ABLIM1: variants seen among roughly 807,000 people sequenced by gnomAD.
The protein encoded by ABLIM1 is actin-binding LIM protein 1.
ABLIM1 carries 40 observed loss-of-function variants against 107.0 expected under a neutral mutation model. The ratio of observed to expected loss-of-function variants is 0.37; its 90% confidence interval spans 0.29 to 0.49. The LOEUF is 0.49. Ranked by LOEUF, ABLIM1 falls within the 20% of genes least tolerant of loss-of-function variation. ABLIM1 has a pLI of 0.97. For missense variants in ABLIM1, 857 were observed against 1,008.5 expected (o/e 0.85, Z 2.04); for synonymous variants, 357 against 357.3 (o/e 1.00, Z 0.01).
At chr10:114,635,366 A>T (rs1032665680) in intron 1 of ABLIM1, among the ~76,000 whole-genome samples, 2 of 152,258 alleles carry the variant, frequency 1.3e-5, no homozygotes, top group African/African-American at 2.4e-5. Flanking sequence ...GCTAGAAACA[A>T]GCAACCCGGC....
At chr10:114,470,847 C>CTTTTT (rs10692424) in intron 10 of ABLIM1, among the ~76,000 whole-genome samples, 14 of 151,446 alleles carry the variant, frequency 9.2e-5, no homozygotes, top group African/African-American at 2.7e-4. Context: ...TCTGGTTTTT[C>CTTTTT]TTTTTTTCTT....
chr10:114,798,803 A>AT, the ABLIM1 span, among the ~76,000 whole-genome samples: 284 of 148,584 alleles, frequency 1.9e-3, no homozygotes, highest in South Asian at 0.011. Flanking sequence ...TTTTTAATTA[A>AT]TTTTTTTTTT....
In ABLIM1 at chr10:114,480,777, C is replaced by T. The variant is rs182938152; in HGVS notation, c.1042-6821G>A. Among the ~76,000 whole-genome samples the T allele has an allele frequency of 4.6e-5, 7 of 152,248 alleles. No individual in the cohort carries two copies. The East Asian group carries it at 1.4e-3, about 29-fold the overall frequency. On this transcript the variant is annotated intron_variant, in intron 8 of 22. Coordinates refer to ENST00000533213, the MANE Select transcript of ABLIM1 (RefSeq NM_002313.7). ...CTGTCATGATGAAGGGGTCCATTTA[C>T]TCTATAGTTATCTCCCCAGCACACT...
At chr10:114,704,275 T>G (rs1046424013) in intron 1 of ABLIM1, among the ~76,000 whole-genome samples, 1 of 23,314 alleles carries the variant, frequency 4.3e-5, no homozygotes, top group Non-Finnish European at 1.1e-4. Flanking sequence ...TCTCTCGCTC[T>G]CTCTCTCTCT....
At chr10:114,667,712 C>T (rs4447090) in intron 1 of ABLIM1, among the ~76,000 whole-genome samples, 12,427 of 152,214 alleles carry the variant, frequency 0.082, 1,029 homozygotes, top group East Asian at 0.46. Context: ...CCACTGTTCC[C>T]ATTTCTATCA....
At chr10:114,464,532 G>A (rs780175971) in intron 12 of ABLIM1, among the ~76,000 whole-genome samples, 4 of 151,974 alleles carry the variant, frequency 2.6e-5, no homozygotes, top group African/African-American at 7.3e-5. Context: ...GGCTTAAATC[G>A]GGACTCACGT....
chr10:114,750,097 G>C (rs2082478315), intron 1 of ABLIM1, among the ~76,000 whole-genome samples: 1 of 152,028 alleles, frequency 6.6e-6, no homozygotes, highest in Non-Finnish European at 1.5e-5. Context: ...TCTGTTGTGT[G>C]CACTGCTACA....
At chr10:114,631,517 C>A (rs1196005622) in intron 1 of ABLIM1, among the ~76,000 whole-genome samples, 4 of 152,072 alleles carry the variant, frequency 2.6e-5, no homozygotes, top group Admixed American at 2.6e-4. Context: ...GCAGGAAGGG[C>A]CCTTTCATGA....
At chr10:114,752,417 C>T (rs546449934) in intron 1 of ABLIM1, among the ~76,000 whole-genome samples, 16 of 152,256 alleles carry the variant, frequency 1.1e-4, no homozygotes, top group Non-Finnish European at 2.1e-4. Flanking sequence ...AGAATGAATT[C>T]TCAGGTTTCA....
chr10:114,506,928 G>A (rs913209511), intron 6 of ABLIM1, among the ~76,000 whole-genome samples: 1 of 152,166 alleles, frequency 6.6e-6, no homozygotes, highest in Non-Finnish European at 1.5e-5. Flanking sequence ...GGTAGGAACC[G>A]GTGCTCTGTG....
chr10:114,793,859 G>A, the ABLIM1 span, among the ~76,000 whole-genome samples: 1 of 152,194 alleles, frequency 6.6e-6, no homozygotes, highest in Admixed American at 6.5e-5. Flanking sequence ...CAGTCTGAAA[G>A]CTCTCAAACC....
At chr10:114,525,294 G>A (rs2064505927) in intron 6 of ABLIM1, among the ~76,000 whole-genome samples, 1 of 152,242 alleles carries the variant, frequency 6.6e-6, no homozygotes, top group South Asian at 2.1e-4. Context: ...GAACTGAGTA[G>A]TTCACTTTCT....
At chr10:114,678,439 T>G (rs1374675932) in intron 1 of ABLIM1, among the ~76,000 whole-genome samples, 1 of 152,250 alleles carries the variant, frequency 6.6e-6, no homozygotes, top group Non-Finnish European at 1.5e-5. Context: ...CAAGAAGTCT[T>G]CCACAGCTGA....
intron 1 of ABLIM1, among the ~76,000 whole-genome samples, chr10:114,758,043 A>G (rs2082669117): frequency 6.6e-6 from 1 of 152,110 alleles, no homozygotes. Context: ...CACTTCCTTC[A>G]GGTCTCTGCT....
rs887309354 is a variant in ABLIM1 at position 114,690,344 on chromosome 10, G to A, written c.-213+77717C>T. ...TTGTGTTGGGTCCAGCATTTGCCAT[G>A]GACAAGATGCCAGGACCTGTATGCT... On this transcript the variant is annotated intron_variant, in intron 1 of 15. Transcript: ENST00000651092. 4.4e-6 allele frequency: 7 copies of A among 1,604,142 alleles called. No homozygotes were observed. In the East Asian group the frequency reaches 1.1e-4, roughly 26 times the overall value.
chr10:114,465,994 C>G (rs2065066844), intron 11 of ABLIM1, among the ~76,000 whole-genome samples, 167 bp from the exon 12 acceptor site: 1 of 152,070 alleles, frequency 6.6e-6, no homozygotes, highest in Non-Finnish European at 1.5e-5. Flanking sequence ...TGCAAATAAG[C>G]ATTCTGTGGC....
At chr10:114,612,178 A>G (rs4752030) in intron 1 of ABLIM1, among the ~76,000 whole-genome samples, 1,774 of 152,294 alleles carry the variant, frequency 0.012, 19 homozygotes, top group Non-Finnish European at 0.015. Flanking sequence ...GACCTTTAAG[A>G]GGTGATTCAG....
chr10:114,588,366 G>GA (rs58392721), intron 2 of ABLIM1, among the ~76,000 whole-genome samples: 42,083 of 150,290 alleles, frequency 0.28, 7,598 homozygotes, highest in African/African-American at 0.51. Context: ...AGGCTGTTTT[G>GA]AAAAAAAAGC....
chr10:114,730,866 T>A (rs2082058366), intron 1 of ABLIM1, among the ~76,000 whole-genome samples: 1 of 152,150 alleles, frequency 6.6e-6, no homozygotes, highest in Admixed American at 6.5e-5. Flanking sequence ...TTTTTGTCCC[T>A]AGACATTTAC....
Sources: allele counts gnomAD v4.1 joint callset (sites outside exome capture counted in the v4.1 genomes callset), GRCh38; gene constraint gnomAD v4.1.1; transcripts MANE v1.5; gene names NCBI Gene and HGNC (gene_info 2026-07-23, HGNC 2026-07-21).